The following ERCC1 variants were observed in gnomAD, a reference collection of about 807,000 sequenced individuals.
ERCC1 encodes DNA excision repair protein ERCC-1.
Under a neutral mutation model 37.6 loss-of-function variants are expected in ERCC1, and 36 were observed. The observed-to-expected ratio is 0.96, with a 90% CI of 0.73 to 1.26. The LOEUF (loss-of-function observed/expected upper bound fraction) is 1.26, where lower values mean the gene tolerates loss of function less well. Among genes scored for constraint, ERCC1 ranks in the 50% most tolerant of loss-of-function variants. The pLI, the probability that ERCC1 is intolerant of heterozygous loss-of-function variation, is 0.00. For synonymous variants in ERCC1, 156 were observed against 162.1 expected (o/e 0.96, Z 0.28); for missense variants, 349 against 376.5 (o/e 0.93, Z 0.60).
rs200849876 is a variant in ERCC1, at chr19:45,413,761, G to A, written c.775-16C>T. ...GTTCCAGAGACTGAAAGGTGAAAGCGAGGGGTCAGGGCAGTTGAGCACAAA... is the reference window on the plus strand; with the variant it reads ...GTTCCAGAGACTGAAAGGTGAAAGCAAGGGGTCAGGGCAGTTGAGCACAAA... On this transcript the variant is annotated splice_polypyrimidine_tract_variant and intron_variant, in intron 8 of 9. Transcript: ENST00000300853. The A allele has an allele frequency of 1.6e-4, 257 of 1,612,428 alleles. No homozygotes were observed. The highest frequency in any genetic ancestry group is 5.3e-4 in the Admixed American group (32 of 60,002).
intron 1 of ERCC1, among the ~76,000 whole-genome samples, chr19:45,437,531 A>G (rs924983383): frequency 4.6e-5 from 7 of 152,230 alleles, no homozygotes; most frequent in African/African-American, 1.7e-4. Flanking sequence ...TTGAAAAGGG[A>G]GGAAATTCTG....
At chr19:45,412,270 TG>T (rs1416579061) in intron 9 of ERCC1, among the ~76,000 whole-genome samples, 2 of 152,080 alleles carry the variant, frequency 1.3e-5, no homozygotes, top group African/African-American at 4.8e-5. Context: ...GAGATTCTCC[TG>T]CCTCAGCCAC....
At chr19:45,449,865 GA>G (rs754109726) in intron 1 of ERCC1, among the ~76,000 whole-genome samples, 5 of 152,026 alleles carry the variant, frequency 3.3e-5, no homozygotes, top group Non-Finnish European at 5.9e-5. Flanking sequence ...TCGGGAGGCT[GA>G]GGCAGGAGAA....
chr19:45,424,788 T>TTA (rs1389266619), upstream of ERCC1, among the ~76,000 whole-genome samples: 1 of 152,156 alleles, frequency 6.6e-6, no homozygotes, highest in Non-Finnish European at 1.5e-5. Flanking sequence ...GGCTTTAACT[T>TTA]TAGTTATTTT....
intron 4 of ERCC1, among the ~76,000 whole-genome samples, chr19:45,419,832 G>A (rs1302276574): frequency 2.6e-5 from 4 of 151,990 alleles, no homozygotes; most frequent in Non-Finnish European, 5.9e-5. Flanking sequence ...AGATCCAGGA[G>A]TCTGGGCCCA....
chr19:45,443,261 G>T (rs1262457471), intron 1 of ERCC1, among the ~76,000 whole-genome samples: 1 of 152,182 alleles, frequency 6.6e-6, no homozygotes, highest in Non-Finnish European at 1.5e-5. Flanking sequence ...CCCAGGGGCT[G>T]CAAGGATCAG....
rs373826878 is a variant in ERCC1 at position 45,434,820 on chromosome 19, G to T, written c.-7-11439C>A. 1.5e-4 allele frequency among the ~76,000 whole-genome samples: 23 copies of T among 151,984 alleles called. No homozygotes were observed. The East Asian group carries it at 2.1e-3, about 14-fold the overall frequency. On this transcript the variant is annotated intron_variant, in intron 1 of 8. Transcript: ENST00000423698. ...GACAGAGTTTCGCTCTTGTTGCCCAGGCTGGAGTGCAATAGTGCGATCTTG... is the reference window on the plus strand; with the variant it reads ...GACAGAGTTTCGCTCTTGTTGCCCATGCTGGAGTGCAATAGTGCGATCTTG...
chr19:45,409,780 G>T, intron 9 of ERCC1, 55 bp from the exon 10 acceptor site: 2 of 742,082 alleles, frequency 2.7e-6, no homozygotes, highest in Non-Finnish European at 5.0e-6. Context: ...GCTGTTTCCT[G>T]GGTAAATCTA....
At chr19:45,448,708 TA>T (rs913701554) in intron 1 of ERCC1, among the ~76,000 whole-genome samples, 61 of 151,684 alleles carry the variant, frequency 4.0e-4, no homozygotes, top group African/African-American at 1.4e-3. Flanking sequence ...TTTATTAATT[TA>T]AAAAAAATGC....
chr19:45,422,581 C>T (rs1974504142), intron 2 of ERCC1, among the ~76,000 whole-genome samples: 1 of 152,060 alleles, frequency 6.6e-6, no homozygotes, highest in African/African-American at 2.4e-5. Context: ...GCCTGACCAA[C>T]ATGGTGAAAC....
upstream of ERCC1, among the ~76,000 whole-genome samples, chr19:45,427,936 G>A (rs942292825): frequency 6.6e-6 from 1 of 152,182 alleles, no homozygotes; most frequent in African/African-American, 2.4e-5. Context: ...CGCCGCCTGC[G>A]ATCAGTGGAA....
At chr19:45,446,487 C>A (rs987735071) in intron 1 of ERCC1, among the ~76,000 whole-genome samples, 8 of 152,196 alleles carry the variant, frequency 5.3e-5, no homozygotes, top group African/African-American at 1.9e-4. Flanking sequence ...TACAGATGTG[C>A]AAACTGAGGC....
Position 45,420,415 on chromosome 19 carries a change from C to G in ERCC1, c.334G>C (p.Val112Leu), listed in dbSNP as rs534169621. 3 of 1,612,412 alleles carry G rather than the reference C, an allele frequency of 1.9e-6. No homozygotes were observed. Among genetic ancestry groups the G allele is most frequent in the East Asian group, 2.2e-5 (1 of 44,866 alleles). ...IVSPRQRGNP[V>L]LKFVRNVPWE... ...GGCACATTGCGCACGAACTTCAGTA[C>G]GGGATTGCCCCTCTGGGGAGGGACG... is the stretch of plus-strand genomic sequence containing the variant. The change falls in exon 4 of 10, where the codon GTA (valine) becomes CTA (leucine). Residue 112 changes from valine to leucine, a missense_variant. Coordinates refer to ENST00000300853, the MANE Select transcript of ERCC1 (RefSeq NM_001983.4). The surrounding 1 kb of genome is among the most constrained non-coding windows in gnomAD (Gnocchi z 4.8).
intron 1 of ERCC1, among the ~76,000 whole-genome samples, chr19:45,440,569 G>A (rs1975095268): frequency 6.6e-6 from 1 of 152,180 alleles, no homozygotes; most frequent in African/African-American, 2.4e-5. Context: ...GCTGAGGCGA[G>A]GCATGGCCAG....
chr19:45,444,368 G>A (rs1177944414), intron 1 of ERCC1, among the ~76,000 whole-genome samples: 1 of 122,202 alleles, frequency 8.2e-6, no homozygotes, highest in East Asian at 2.8e-4. Context: ...TCCCACGCCC[G>A]GCGCGGGTTC....
Position 45,446,771 on chromosome 19 carries a change from G to A in ERCC1, c.-7-23390C>T, listed in dbSNP as rs527338008. ...TCCCGGAACTTTGGGAGGCCAAGGCGGGCAGATCACGAGGTCAGGAATTCG... is the reference window on the plus strand; with the variant it reads ...TCCCGGAACTTTGGGAGGCCAAGGCAGGCAGATCACGAGGTCAGGAATTCG... On this transcript the variant is annotated intron_variant, in intron 1 of 8. Transcript: ENST00000423698. Among the ~76,000 whole-genome samples, 10 of 152,226 alleles carry A rather than the reference G, an allele frequency of 6.6e-5. No homozygotes were observed. In the South Asian group the frequency reaches 2.1e-3, roughly 32 times the overall value.
chr19:45,434,812 G>A (rs541313690), intron 1 of ERCC1, among the ~76,000 whole-genome samples: 1 of 151,782 alleles, frequency 6.6e-6, no homozygotes, highest in Non-Finnish European at 1.5e-5. Flanking sequence ...TTTCGCTCTT[G>A]TTGCCCAGGC....
intron 2 of ERCC1, 61 bp downstream of exon 2, chr19:45,423,209 C>T: frequency 1.3e-6 from 2 of 1,518,338 alleles, no homozygotes; most frequent in Non-Finnish European, 1.8e-6. Context: ...CAGGCCCCAT[C>T]CTATCCTCTT....
In ERCC1 at chr19:45,408,197, C is replaced by A; in HGVS notation, c.*1478G>T. The A allele has an allele frequency of 6.2e-7, 1 of 1,613,272 alleles. No homozygotes were observed. On this transcript the variant is annotated 3_prime_UTR_variant, in exon 10 of 10. Coordinates refer to ENST00000300853, the MANE Select transcript of ERCC1 (RefSeq NM_001983.4). ...CGTCAAGGGCAAATTGGCAGGCAAG[C>A]GGCACCGCTATCGAGTCCTCAGCAG...
Sources: gnomAD v4.1 joint callset for allele counts (sites outside exome capture counted in the v4.1 genomes callset) on GRCh38, gnomAD v4.1.1 for gene constraint, Gnocchi (gnomAD v3.1) non-coding constraint, MANE v1.5 for transcripts, NCBI Gene and HGNC (gene_info 2026-07-23, HGNC 2026-07-21) for gene names.